NMRAL1: variants seen among roughly 807,000 people sequenced by gnomAD.
The protein encoded by NMRAL1 is nmrA-like family domain-containing protein 1.
NMRAL1 carries 32 observed loss-of-function variants against 27.5 expected under a neutral mutation model. The observed-to-expected ratio is 1.16, with a 90% CI of 0.88 to 1.56. The LOEUF (loss-of-function observed/expected upper bound fraction) is 1.56, where lower values mean the gene tolerates loss of function less well. NMRAL1 is among the 40% of genes most tolerant of loss of function. The probability of loss-of-function intolerance (pLI) is 0.00; values close to 1 mark genes in which losing one functional copy is unlikely to be tolerated. For synonymous variants in NMRAL1, 166 were observed against 166.8 expected (o/e 1.00, Z 0.04); for missense variants, 420 against 392.0 (o/e 1.07, Z -0.60).
intron 5 of NMRAL1, among the ~76,000 whole-genome samples, chr16:4,463,092 T>A (rs1269222242): frequency 6.6e-6 from 1 of 151,698 alleles, no homozygotes; most frequent in Non-Finnish European, 1.5e-5. Flanking sequence ...TGACCTCAGG[T>A]GATCCACCTG....
intron 3 of NMRAL1, among the ~76,000 whole-genome samples, chr16:4,468,406 A>G (rs2057412362): frequency 6.6e-6 from 1 of 152,108 alleles, no homozygotes; most frequent in African/African-American, 2.4e-5. Flanking sequence ...ACCTGAGGTC[A>G]GGAGTTCAAG....
intron 5 of NMRAL1, among the ~76,000 whole-genome samples, chr16:4,462,957 C>T (rs770343948): frequency 1.1e-4 from 17 of 151,864 alleles, no homozygotes; most frequent in Non-Finnish European, 1.6e-4. Context: ...TGAGTTCAAG[C>T]GATTCTCTTG....
chr16:4,467,832 A>T (rs1308792383), intron 3 of NMRAL1, among the ~76,000 whole-genome samples: 1 of 149,326 alleles, frequency 6.7e-6, no homozygotes, highest in Admixed American at 6.7e-5. Context: ...GTTGGCCAGG[A>T]TGGTCTCAAA....
intron 2 of NMRAL1, among the ~76,000 whole-genome samples, chr16:4,472,231 C>T (rs976538316): frequency 6.6e-6 from 1 of 152,174 alleles, no homozygotes; most frequent in Non-Finnish European, 1.5e-5. Flanking sequence ...GTAAAGCTGT[C>T]AGGAGTTCGA....
At chr16:4,466,722 T>A in intron 3 of NMRAL1, 1 of 337,148 alleles carries the variant, frequency 3.0e-6, no homozygotes, top group East Asian at 6.7e-5. Flanking sequence ...TCTGCTGGTG[T>A]GAGAACACCC....
intron 4 of NMRAL1, among the ~76,000 whole-genome samples, chr16:4,465,918 G>A (rs1275656930): frequency 2.0e-5 from 3 of 152,216 alleles, no homozygotes; most frequent in East Asian, 3.9e-4. Flanking sequence ...AGCGAATATC[G>A]TGTCACCACC....
At chr16:4,464,515 T>C (rs1401605289) in intron 4 of NMRAL1, among the ~76,000 whole-genome samples, 2 of 149,388 alleles carry the variant, frequency 1.3e-5, no homozygotes, top group African/African-American at 5.1e-5. Context: ...CCTCCTTACC[T>C]AGAGACAGGG....
intron 5 of NMRAL1, among the ~76,000 whole-genome samples, chr16:4,462,919 A>G (rs2057164043): frequency 6.6e-6 from 1 of 151,106 alleles, no homozygotes; most frequent in Admixed American, 6.6e-5. Context: ...GTGCAGTGGC[A>G]TCTCGGCTCG....
At position 4,469,408 on chromosome 16, in the gene NMRAL1, C is replaced by G; in HGVS notation, c.98G>C (p.Arg33Pro). ...CTTCCTAGGGTTTCGGGTCACCACT[C>G]GAACCTTGAATGTCCCATCTTCCAG... ...TLLEDGTFKV[R>P]VVTRNPRKKA... is the part of the protein sequence containing the mutation. Residue 33 changes from arginine (R) to proline (P), a missense_variant, in exon 3 of 6, where the codon CGA (arginine) becomes CCA (proline). By Grantham distance (103) the Arg-to-Pro change is moderately radical (BLOSUM62 -2). Coordinates refer to ENST00000283429, the MANE Select transcript of NMRAL1 (RefSeq NM_020677.6). 1 of 1,614,126 alleles carries G rather than the reference C, an allele frequency of 6.2e-7. No homozygotes were observed. The highest frequency in any genetic ancestry group is 8.5e-7 in the Non-Finnish European group (1 of 1,180,028).
At chr16:4,465,537 C>T (rs1243240075) in intron 4 of NMRAL1, among the ~76,000 whole-genome samples, 1 of 152,190 alleles carries the variant, frequency 6.6e-6, no homozygotes, top group East Asian at 1.9e-4. Flanking sequence ...AAATCCTCTC[C>T]TCGTCTTTGG....
At chr16:4,475,141 C>G (rs1450053723), upstream of NMRAL1, among the ~76,000 whole-genome samples, 9 of 151,040 alleles carry the variant, frequency 6.0e-5, no homozygotes, top group Middle Eastern at 3.5e-3. Context: ...TTAGTAGAGA[C>G]GGGGTTTCAC....
At chr16:4,472,669 G>T (rs1432883608) in intron 2 of NMRAL1, among the ~76,000 whole-genome samples, 2 of 151,252 alleles carry the variant, frequency 1.3e-5, no homozygotes, top group Non-Finnish European at 2.9e-5. Context: ...GCTTGAACCC[G>T]AGTGGCAGAA....
chr16:4,474,473 T>G (rs972166261), intron 1 of NMRAL1, 81 bp downstream of exon 1: 1 of 291,608 alleles, frequency 3.4e-6, no homozygotes, highest in Non-Finnish European at 6.6e-6. Flanking sequence ...GGGACCCCGA[T>G]TCTGCGGCCG....
chr16:4,466,463 A>G, intron 3 of NMRAL1, 61 bp from the exon 4 acceptor site: 3 of 1,559,736 alleles, frequency 1.9e-6, no homozygotes, highest in Non-Finnish European at 2.6e-6. Flanking sequence ...CCCTGGTCAC[A>G]GCCCCAGCAT....
At chr16:4,472,182 C>G (rs1012227355) in intron 2 of NMRAL1, among the ~76,000 whole-genome samples, 1 of 152,260 alleles carries the variant, frequency 6.6e-6, no homozygotes, top group South Asian at 2.1e-4. Context: ...AGAATATAGT[C>G]TATCCATACG....
intron 2 of NMRAL1, 112 bp from the exon 3 acceptor site, chr16:4,469,577 T>C: frequency 6.5e-7 from 1 of 1,536,986 alleles, no homozygotes. Flanking sequence ...GGAAACCTTC[T>C]CAACGACGAT....
rs750142956 is a variant in NMRAL1 at position 4,461,879 on chromosome 16, T to G, written c.801A>C (p.Arg267Ser). ...LANMFRFYAL[R>S]PDRDIELTLR... ...GGGTCAGCTCGATGTCACGGTCGGG[T>G]CTCAGGGCATAGAAACGGAACATGT... The change falls in exon 6 of 6, where the codon AGA becomes AGC. Residue 267 changes from arginine to serine, a missense_variant. Arg to Ser is a moderately radical substitution (Grantham distance 110). Transcript: ENST00000283429. 6.2e-7 allele frequency: 1 copy of G among 1,614,080 alleles called. No homozygotes were observed. Among genetic ancestry groups the G allele is most frequent in the Non-Finnish European group, 8.5e-7 (1 of 1,180,008 alleles).
intron 2 of NMRAL1, among the ~76,000 whole-genome samples, chr16:4,473,200 C>T (rs188663557): frequency 2.0e-5 from 3 of 152,120 alleles, no homozygotes; most frequent in East Asian, 1.9e-4. Context: ...AACACCTCAG[C>T]TCAAGCGATC....
At chr16:4,463,539 C>T (rs780609638) in intron 5 of NMRAL1, 121 bp downstream of exon 5, 18 of 769,766 alleles carry the variant, frequency 2.3e-5, no homozygotes, top group Admixed American at 1.6e-4. Flanking sequence ...TAAACGTTGA[C>T]GATGAACGAA....
Sources: allele counts gnomAD v4.1 joint callset (sites outside exome capture counted in the v4.1 genomes callset), GRCh38; gene constraint gnomAD v4.1.1; transcripts MANE v1.5; gene names NCBI Gene and HGNC (gene_info 2026-07-23, HGNC 2026-07-21).